Variants in ABL1 observed in about 807,000 individuals in gnomAD.
ABL1 encodes ABL proto-oncogene 1, non-receptor tyrosine kinase.
A neutral mutation model predicts 94.7 loss-of-function variants in ABL1; 11 were observed. The ratio of observed to expected loss-of-function variants is 0.12; its 90% CI spans 0.07 to 0.19. The LOEUF is 0.19. Among genes scored for constraint, ABL1 ranks in the 10% least tolerant of loss-of-function variants. ABL1 has a pLI of 1.00. For missense variants in ABL1, 1,082 were observed against 1,489.4 expected (o/e 0.73, Z 4.50); for synonymous variants, 656 against 622.4 (o/e 1.05, Z -0.80).
At position 130,878,581 on chromosome 9, in the gene ABL1, A is replaced by G. The variant is rs1831391681; in HGVS notation, c.1423+14A>G. 6.2e-7 allele frequency: 1 copy of G among 1,613,414 alleles called. No homozygotes were observed. The highest frequency in any genetic ancestry group is 8.5e-7 in the Non-Finnish European group (1 of 1,179,556). ...TCATGCGAGCATGTAAGCCTTCCTC[A>G]GCCTGTTCTCACGAGTATATGTGGG... On this transcript the variant is annotated intron_variant, in intron 8 of 10. Transcript: ENST00000318560.
intron 1 of ABL1, among the ~76,000 whole-genome samples, chr9:130,849,764 G>A (rs913442386): frequency 4.6e-5 from 7 of 152,236 alleles, no homozygotes; most frequent in East Asian, 1.9e-4. Flanking sequence ...GTGATTGCCC[G>A]CCTTGGCCTC....
chr9:130,740,029 AAATT>A (rs1831797029), intron 1 of ABL1, among the ~76,000 whole-genome samples: 1 of 152,244 alleles, frequency 6.6e-6, no homozygotes, highest in Non-Finnish European at 1.5e-5. Context: ...AGTTTCCAGT[AAATT>A]AATAATGAAT....
chr9:130,791,700 A>G (rs1829910415), intron 1 of ABL1, among the ~76,000 whole-genome samples: 1 of 152,166 alleles, frequency 6.6e-6, no homozygotes, highest in Admixed American at 6.5e-5. Context: ...GACTTGTACC[A>G]GTGGCTTGCC....
At chr9:130,834,689 T>A (rs1830536271), upstream of ABL1, among the ~76,000 whole-genome samples, 1 of 152,182 alleles carries the variant, frequency 6.6e-6, no homozygotes, top group Non-Finnish European at 1.5e-5. Flanking sequence ...CAGCCTGACC[T>A]CATATCCTGG....
chr9:130,743,802 A>G (rs1309251628), intron 1 of ABL1, among the ~76,000 whole-genome samples: 1 of 152,084 alleles, frequency 6.6e-6, no homozygotes, highest in Non-Finnish European at 1.5e-5. Context: ...TGGTCACTGT[A>G]GCATATTCAT....
At position 130,716,023 on chromosome 9, in the gene ABL1, T is replaced by TAC. The variant is rs1363488757; in HGVS notation, c.136+1569_136+1570insCA. Among the ~76,000 whole-genome samples, 992 of 140,856 alleles carry TAC rather than the reference T, an allele frequency of 7.0e-3. 15 individuals are homozygous for TAC. The highest frequency in any genetic ancestry group is 0.022 in the African/African-American group (885 of 39,988). 92.4% of individuals were successfully genotyped at this position (140,856 alleles called of 152,430 possible). A position where few individuals can be genotyped will look rare whatever the true frequency, so the allele number is the denominator to read the frequency against. On this transcript the variant is annotated intron_variant, in intron 1 of 10. Coordinates refer to the ABL1 transcript ENST00000372348. ...CACAGTTAAACAAACTAAATATATATATACACACACACACACACATATATA... is the reference window on the plus strand; with the variant it reads ...CACAGTTAAACAAACTAAATATATATACATACACACACACACACACATATATA...
At position 130,859,525 on chromosome 9, in the gene ABL1, G is replaced by A. The variant is rs73656056; in HGVS notation, c.550-3238G>A. Reference sequence around the variant, plus strand: ...TCCTGCTGGTGTGTGAGCAGCTCTCGGGGGAACTTGCTTCCTGGCTGAGCA... The same window carrying A: ...TCCTGCTGGTGTGTGAGCAGCTCTCAGGGGAACTTGCTTCCTGGCTGAGCA... On this transcript the variant is annotated intron_variant, in intron 3 of 10. Transcript: ENST00000318560. Among the ~76,000 whole-genome samples the A allele has an allele frequency of 6.9e-3, 1,048 of 151,956 alleles. 10 individuals carry two copies. The highest frequency in any genetic ancestry group is 0.023 in the African/African-American group (972 of 41,440).
chr9:130,807,692 ATAGTTT>A (rs1830145340), intron 1 of ABL1, among the ~76,000 whole-genome samples: 1 of 91,490 alleles, frequency 1.1e-5, no homozygotes, highest in South Asian at 3.2e-4. Context: ...ATATATATAT[ATAGTTT>A]TTTTTTTTTT....
At chr9:130,804,439 A>G (rs1393876640) in intron 1 of ABL1, among the ~76,000 whole-genome samples, 6 of 152,030 alleles carry the variant, frequency 3.9e-5, no homozygotes, top group Admixed American at 2.0e-4. Flanking sequence ...ATACAAAATT[A>G]GTGGGCGTGT....
intron 1 of ABL1, among the ~76,000 whole-genome samples, chr9:130,809,982 T>C: frequency 6.6e-6 from 1 of 152,216 alleles, no homozygotes; most frequent in Non-Finnish European, 1.5e-5. Context: ...AGAATATTTT[T>C]AGGGATACAA....
chr9:130,840,300 C>T (rs1201822060), intron 1 of ABL1, among the ~76,000 whole-genome samples: 4 of 152,152 alleles, frequency 2.6e-5, no homozygotes, highest in African/African-American at 9.7e-5. Flanking sequence ...TTCCTCGCAC[C>T]CTCTGTTATT....
At chr9:130,763,627 G>C (rs973209467) in intron 1 of ABL1, among the ~76,000 whole-genome samples, 2 of 152,224 alleles carry the variant, frequency 1.3e-5, no homozygotes, top group Non-Finnish European at 2.9e-5. Context: ...AGCAGTGCTG[G>C]CAGTTGACAG....
chr9:130,794,310 T>C (rs1390486343), intron 1 of ABL1, among the ~76,000 whole-genome samples: 1 of 150,528 alleles, frequency 6.6e-6, no homozygotes, highest in African/African-American at 2.4e-5. Flanking sequence ...TTATTTTTCA[T>C]TTTTTATTTA....
chr9:130,795,206 A>C (rs1452903449), intron 1 of ABL1, among the ~76,000 whole-genome samples: 1 of 152,306 alleles, frequency 6.6e-6, no homozygotes, highest in East Asian at 1.9e-4. Context: ...TTTGCCACTG[A>C]GTATTTCCTT....
intron 1 of ABL1, among the ~76,000 whole-genome samples, chr9:130,848,122 A>G (rs1410801794): frequency 6.6e-6 from 1 of 152,180 alleles, no homozygotes; most frequent in Non-Finnish European, 1.5e-5. Flanking sequence ...TTGACGCACC[A>G]GAGGGAGGCA....
At chr9:130,752,982 C>A (rs13292345) in intron 1 of ABL1, among the ~76,000 whole-genome samples, 2 of 148,050 alleles carry the variant, frequency 1.4e-5, no homozygotes, top group Admixed American at 1.3e-4. Context: ...AAGGGCTGGG[C>A]GCAGTGGCTC....
intron 7 of ABL1, among the ~76,000 whole-genome samples, chr9:130,877,603 G>A (rs10046868): frequency 0.019 from 2,810 of 147,262 alleles, 410 homozygotes; most frequent in African/African-American, 0.07. Context: ...CATGTTTGTG[G>A]GGTAAGTTTA....
intron 7 of ABL1, among the ~76,000 whole-genome samples, chr9:130,875,533 A>T (rs1257943989): frequency 6.6e-6 from 1 of 151,700 alleles, no homozygotes; most frequent in Non-Finnish European, 1.5e-5. Context: ...TCTCCTCTAT[A>T]AGCCCCCTCT....
chr9:130,721,592 C>A (rs1367688045), intron 1 of ABL1, among the ~76,000 whole-genome samples: 1 of 152,030 alleles, frequency 6.6e-6, no homozygotes, highest in Non-Finnish European at 1.5e-5. Flanking sequence ...CGCCTGTAAT[C>A]CCAGCTACTC....
Sources: allele counts gnomAD v4.1 joint callset (sites outside exome capture counted in the v4.1 genomes callset), GRCh38; gene constraint gnomAD v4.1.1; transcripts MANE v1.5; gene names NCBI Gene and HGNC (gene_info 2026-07-23, HGNC 2026-07-21).